The following IGSF21 variants were observed in gnomAD, a reference collection of about 807,000 sequenced individuals.
The protein encoded by IGSF21 is immunoglobin superfamily member 21.
In IGSF21, 28 loss-of-function variants were observed where a neutral mutation model predicts 46.8. That is an observed-to-expected ratio of 0.60 (90% CI 0.44 to 0.82). The LOEUF (loss-of-function observed/expected upper bound fraction) is 0.82. IGSF21 is among the 40% of genes least tolerant of loss of function. The pLI is 0.00. For missense variants in IGSF21, 624 were observed against 665.5 expected, an observed-to-expected ratio of 0.94 and a Z score of 0.69; for synonymous variants, 284 against 273.6, an observed-to-expected ratio of 1.04 and a Z score of -0.38.
intron 4 of IGSF21, among the ~76,000 whole-genome samples, chr1:18,350,377 G>A (rs1250198737): frequency 1.3e-5 from 2 of 152,190 alleles, no homozygotes; most frequent in Non-Finnish European, 2.9e-5. Context: ...AGAGGCCTCA[G>A]GCACTGGGTC....
At chr1:18,262,247 C>T (rs975387000) in intron 2 of IGSF21, among the ~76,000 whole-genome samples, 33 of 152,274 alleles carry the variant, frequency 2.2e-4, no homozygotes, top group African/African-American at 7.2e-4. Context: ...CCGCATCTGT[C>T]CTTGTTGAGG....
intron 4 of IGSF21, among the ~76,000 whole-genome samples, chr1:18,349,401 A>C (rs2085927153): frequency 6.6e-6 from 1 of 152,096 alleles, no homozygotes; most frequent in Admixed American, 6.5e-5. Context: ...ATGAGGAAGG[A>C]GGGAGTCCTT....
intron 1 of IGSF21, among the ~76,000 whole-genome samples, chr1:18,225,565 A>G (rs1354689536): frequency 6.6e-6 from 1 of 152,060 alleles, no homozygotes; most frequent in African/African-American, 2.4e-5. Context: ...TCCTCTTTCC[A>G]GTGGGAGGAG....
Position 18,281,149 on chromosome 1 carries a change from A to AAGTGAATGAATGAATGAACAGGTG in IGSF21, c.184-10698_184-10675dup, listed in dbSNP as rs1314353037. On this transcript the variant is annotated intron_variant, in intron 2 of 9. Coordinates refer to ENST00000251296, the MANE Select transcript of IGSF21 (RefSeq NM_032880.5). ...TGAATGAATGAATGAATGAACAGGCAAGTGAATGAATGAATGAACAGGTGA... is the reference window on the plus strand; with the variant it reads ...TGAATGAATGAATGAATGAACAGGCAAGTGAATGAATGAATGAACAGGTGAGTGAATGAATGAATGAACAGGTGA... Among the ~76,000 whole-genome samples, 118 of 152,290 alleles carry AAGTGAATGAATGAATGAACAGGTG rather than the reference A, an allele frequency of 7.7e-4. No homozygotes were observed. In the South Asian group the frequency reaches 0.012, roughly 16 times the overall value.
intron 2 of IGSF21, among the ~76,000 whole-genome samples, chr1:18,239,472 G>A (rs1234833595): frequency 6.6e-6 from 1 of 152,034 alleles, no homozygotes; most frequent in Non-Finnish European, 1.5e-5. Context: ...CTTCGCAAGA[G>A]CTTCTCATCA....
At chr1:18,108,295 G>C (rs960566691) in intron 1 of IGSF21, 97 bp downstream of exon 1, 6 of 1,196,748 alleles carry the variant, frequency 5.0e-6, no homozygotes, top group Non-Finnish European at 5.3e-6. Flanking sequence ...CGAGAGGCTC[G>C]GGCTACGAGC....
At chr1:18,157,876 CAG>C (rs2086582020) in intron 1 of IGSF21, among the ~76,000 whole-genome samples, 2 of 152,256 alleles carry the variant, frequency 1.3e-5, no homozygotes, top group African/African-American at 4.8e-5. Flanking sequence ...TCTCCTCCAT[CAG>C]AGTAAGCATT....
chr1:18,125,718 T>A (rs2086268809), intron 1 of IGSF21, among the ~76,000 whole-genome samples: 1 of 152,228 alleles, frequency 6.6e-6, no homozygotes, highest in South Asian at 2.1e-4. Context: ...GGAGCTTACC[T>A]TCTAGAGTGT....
At chr1:18,344,292 C>A (rs2085871380) in intron 4 of IGSF21, among the ~76,000 whole-genome samples, 1 of 152,180 alleles carries the variant, frequency 6.6e-6, no homozygotes, top group African/African-American at 2.4e-5. Flanking sequence ...CCTCAGCCTC[C>A]CTAGTAGCTG....
chr1:18,230,199 T>G (rs1000552566), intron 2 of IGSF21, among the ~76,000 whole-genome samples: 6 of 152,164 alleles, frequency 3.9e-5, no homozygotes, highest in Non-Finnish European at 8.8e-5. Context: ...GACTTGATGT[T>G]CTTGAAGATG....
At chr1:18,199,051 G>A (rs1437584157) in intron 1 of IGSF21, among the ~76,000 whole-genome samples, 3 of 151,988 alleles carry the variant, frequency 2.0e-5, no homozygotes, top group Admixed American at 6.6e-5. Flanking sequence ...CTTGGACTGG[G>A]GTGCTTTGGT....
At chr1:18,186,892 C>T (rs9726669) in intron 1 of IGSF21, among the ~76,000 whole-genome samples, 4,604 of 152,154 alleles carry the variant, frequency 0.03, 87 homozygotes, top group Non-Finnish European at 0.045. Context: ...CTGATGGAGG[C>T]CTTCCTGGCT....
At chr1:18,151,806 C>T (rs1247030874) in intron 1 of IGSF21, among the ~76,000 whole-genome samples, 1 of 152,144 alleles carries the variant, frequency 6.6e-6, no homozygotes, top group African/African-American at 2.4e-5. Flanking sequence ...GCCCCACAAC[C>T]TAGTAATTAA....
chr1:18,329,326 G>T (rs1394281553), intron 3 of IGSF21, among the ~76,000 whole-genome samples: 5 of 152,192 alleles, frequency 3.3e-5, no homozygotes, highest in African/African-American at 1.2e-4. Context: ...CACAAGACAG[G>T]TGTCATAGCA....
At chr1:18,125,566 T>TTCCTTTC (rs1265125183) in intron 1 of IGSF21, among the ~76,000 whole-genome samples, 2 of 152,260 alleles carry the variant, frequency 1.3e-5, no homozygotes, top group African/African-American at 4.8e-5. Flanking sequence ...GAGAGTTCAC[T>TTCCTTTC]TCCTTTCTCC....
chr1:18,188,429 G>A (rs749561812), intron 1 of IGSF21, among the ~76,000 whole-genome samples: 19 of 152,122 alleles, frequency 1.2e-4, no homozygotes, highest in Non-Finnish European at 2.4e-4. Flanking sequence ...TTAGATCACC[G>A]CAGGGAAGGC....
At chr1:18,127,799 C>T (rs2086286112) in intron 1 of IGSF21, among the ~76,000 whole-genome samples, 1 of 152,106 alleles carries the variant, frequency 6.6e-6, no homozygotes, top group African/African-American at 2.4e-5. Flanking sequence ...GTCCCAGCTA[C>T]TCGGGAGGCT....
intron 1 of IGSF21, among the ~76,000 whole-genome samples, chr1:18,189,881 C>T (rs758920833): frequency 6.6e-6 from 1 of 151,318 alleles, no homozygotes; most frequent in East Asian, 1.9e-4. Flanking sequence ...TGCCCTGGAG[C>T]CTTTACCCTT....
rs951538050 is a variant in IGSF21 at position 18,309,248 on chromosome 1, T to C, written c.305+17261T>C. 3.3e-5 allele frequency among the ~76,000 whole-genome samples: 5 copies of C among 152,164 alleles called. No homozygotes were observed. In the East Asian group the frequency reaches 9.7e-4, roughly 29 times the overall value. ...AATATAAAGGCATATTTCATCTCTG[T>C]AGCCACCCTAGGGGCAATGATGCCA... is the stretch of plus-strand genomic sequence containing the variant. On this transcript the variant is annotated intron_variant, in intron 3 of 9. Transcript: ENST00000251296.
Sources: allele counts gnomAD v4.1 joint callset (sites outside exome capture counted in the v4.1 genomes callset), GRCh38; gene constraint gnomAD v4.1.1; transcripts MANE v1.5; gene names NCBI Gene and HGNC (gene_info 2026-07-23, HGNC 2026-07-21).